The following SSH1 variants were observed in gnomAD, a reference collection of about 807,000 sequenced individuals.
SSH1 encodes the protein protein phosphatase Slingshot homolog 1.
Under a neutral mutation model 79.7 loss-of-function variants are expected in SSH1, and 43 were observed. The observed-to-expected ratio is 0.54, with a 90% CI of 0.42 to 0.70. The LOEUF (loss-of-function observed/expected upper bound fraction) is 0.70, where lower values mean the gene tolerates loss of function less well. Among genes scored for constraint, SSH1 ranks in the 30% least tolerant of loss-of-function variants. The pLI, the probability that SSH1 is intolerant of heterozygous loss-of-function variation, is 0.00. For missense variants in SSH1, 1,206 were observed against 1,358.8 expected (o/e 0.89, Z 1.77); for synonymous variants, 599 against 538.3 (o/e 1.11, Z -1.56).
At chr12:108,853,648 G>A (rs538835681) in intron 1 of SSH1, among the ~76,000 whole-genome samples, 2 of 152,182 alleles carry the variant, frequency 1.3e-5, no homozygotes, top group Admixed American at 6.5e-5. Context: ...CACCAGCCCG[G>A]CGCAGTGGCT....
intron 13 of SSH1, among the ~76,000 whole-genome samples, chr12:108,796,549 A>G (rs1406540068): frequency 6.6e-6 from 1 of 152,174 alleles, no homozygotes; most frequent in African/African-American, 2.4e-5. Context: ...AAGGCTGTGT[A>G]GTATCCCATT....
intron 4 of SSH1, chr12:108,817,484 AG>A (rs1047855703): frequency 8.4e-6 from 3 of 357,268 alleles, no homozygotes; most frequent in Non-Finnish European, 1.6e-5. Context: ...CTGAGGCACG[AG>A]AATCTCTTGA....
chr12:108,795,651 T>A (rs2137003831), intron 13 of SSH1, among the ~76,000 whole-genome samples: 1 of 151,466 alleles, frequency 6.6e-6, no homozygotes, highest in Admixed American at 6.6e-5. Flanking sequence ...AGCCCAGGAG[T>A]TTGAGACCAG....
At chr12:108,842,425 A>C (rs1406039369) in intron 2 of SSH1, among the ~76,000 whole-genome samples, 1 of 152,212 alleles carries the variant, frequency 6.6e-6, no homozygotes, top group Non-Finnish European at 1.5e-5. Flanking sequence ...GGTTTCCTAA[A>C]ATGAGGAGAG....
At chr12:108,824,511 G>C (rs1167971083) in intron 2 of SSH1, among the ~76,000 whole-genome samples, 1 of 151,966 alleles carries the variant, frequency 6.6e-6, no homozygotes, top group Admixed American at 6.6e-5. Context: ...ACTGACTTGT[G>C]ATTTAACTTA....
At chr12:108,790,093 T>C (rs899898498) in intron 14 of SSH1, among the ~76,000 whole-genome samples, 3 of 150,998 alleles carry the variant, frequency 2.0e-5, no homozygotes, top group Non-Finnish European at 4.4e-5. Flanking sequence ...AGCCTGCCTG[T>C]AGACCACAGC....
chr12:108,834,550 T>C (rs2038551985), intron 2 of SSH1, among the ~76,000 whole-genome samples: 1 of 152,212 alleles, frequency 6.6e-6, no homozygotes, highest in African/African-American at 2.4e-5. Flanking sequence ...GCTGAACTCT[T>C]TGAATTAGTG....
chr12:108,818,384 C>A, intron 3 of SSH1, 71 bp from the exon 4 acceptor site: 1 of 1,421,462 alleles, frequency 7.0e-7, no homozygotes, highest in South Asian at 1.2e-5. Flanking sequence ...CTCTGAAAGG[C>A]TGACTTTGAG....
In SSH1 at chr12:108,788,341, T is replaced by A; in HGVS notation, c.2797A>T (p.Thr933Ser). The A allele has an allele frequency of 6.2e-7, 1 of 1,613,098 alleles. No individual in the cohort carries two copies. Among genetic ancestry groups the A allele is most frequent in the Non-Finnish European group, 8.5e-7 (1 of 1,179,936 alleles). ...ATGCTATCGCTGCTGGAGCTCCGGG[T>A]CAGGTTGGAGCTCATGGAAGAGGAG... is the stretch of plus-strand genomic sequence containing the variant. ...PTSSSMSSNLTRSSSSDSIHS... is the reference protein window; with the variant it reads ...PTSSSMSSNLSRSSSSDSIHS... Residue 933 changes from threonine (T) to serine (S), a missense_variant, in exon 15 of 15, where the codon ACC (threonine) becomes TCC (serine). Coordinates refer to ENST00000326495, the MANE Select transcript of SSH1 (RefSeq NM_018984.4).
At chr12:108,814,950 C>T (rs955282240) in intron 5 of SSH1, among the ~76,000 whole-genome samples, 1 of 152,192 alleles carries the variant, frequency 6.6e-6, no homozygotes, top group African/African-American at 2.4e-5. Context: ...AAGGCATGCC[C>T]GTGACTGCTG....
intron 6 of SSH1, among the ~76,000 whole-genome samples, chr12:108,810,275 A>T (rs1169725114): frequency 6.6e-6 from 1 of 152,002 alleles, no homozygotes; most frequent in Non-Finnish European, 1.5e-5. Context: ...TAATCCCAGC[A>T]CTTTGGGAGG....
At chr12:108,802,449 G>C (rs2037055030) in intron 10 of SSH1, 81 bp from the exon 11 acceptor site, 2 of 1,343,384 alleles carry the variant, frequency 1.5e-6, no homozygotes, top group Non-Finnish European at 1.1e-6. Flanking sequence ...GTTTGCCCTA[G>C]CTCTGGCGGT....
intron 2 of SSH1, among the ~76,000 whole-genome samples, chr12:108,825,805 A>G (rs1398617440): frequency 6.6e-6 from 1 of 152,210 alleles, no homozygotes; most frequent in Non-Finnish European, 1.5e-5. Context: ...AAAGCTCTTT[A>G]GCATCCATCT....
intron 7 of SSH1, among the ~76,000 whole-genome samples, chr12:108,809,029 T>A (rs1250257712): frequency 6.6e-6 from 1 of 151,842 alleles, no homozygotes; most frequent in Non-Finnish European, 1.5e-5. Context: ...AGACAGCATT[T>A]TGCCATGTTG....
chr12:108,824,189 A>T (rs1593095965), intron 2 of SSH1, among the ~76,000 whole-genome samples: 2 of 152,340 alleles, frequency 1.3e-5, no homozygotes, highest in South Asian at 4.1e-4. Flanking sequence ...TCAAGCCTGT[A>T]ATCCCAGCAT....
chr12:108,832,698 G>T lies in SSH1; in HGVS notation c.111-9337C>A, dbSNP rs535386517. Among the ~76,000 whole-genome samples, 4 of 152,302 alleles carry T rather than the reference G, an allele frequency of 2.6e-5. 1 individual carries two copies. The Middle Eastern group carries it at 0.01, about 389-fold the overall frequency. On this transcript the variant is annotated intron_variant, in intron 2 of 14. Coordinates refer to ENST00000326495, the MANE Select transcript of SSH1 (RefSeq NM_018984.4). ...CAGGTTCTTCCCTCATTTGGAACTC[G>T]TGTTTAAAAGTCACAAAGACCCTGA...
rs1409675890 is a variant in SSH1, at chr12:108,786,418, C to T, written c.*1570G>A. ...TAGGTGTCAGAGAGGCAGAGGGCTT[C>T]ACATTTACCCAGTTTCTTCCTACAG... On this transcript the variant is annotated 3_prime_UTR_variant, in exon 15 of 15. Transcript: ENST00000326495. 1.3e-5 allele frequency: 2 copies of T among 152,268 alleles called. No homozygotes were observed. The highest frequency in any genetic ancestry group is 2.9e-5 in the Non-Finnish European group (2 of 68,106). The allele number at this position is 152,268 out of a possible 1,614,324, so 9.4% of individuals were successfully genotyped here.
At chr12:108,801,815 T>C (rs889657851) in intron 11 of SSH1, among the ~76,000 whole-genome samples, 8 of 152,014 alleles carry the variant, frequency 5.3e-5, no homozygotes, top group Non-Finnish European at 1.0e-4. Flanking sequence ...GCTGAGTGTT[T>C]GTCAGACTAC....
chr12:108,834,479 C>G (rs369094406), intron 2 of SSH1: 1 of 152,246 alleles, frequency 6.6e-6, no homozygotes, highest in Non-Finnish European at 1.5e-5. Flanking sequence ...CCTCTGTATC[C>G]GCGGGTTCCT....
Sources: gnomAD v4.1 joint callset for allele counts (sites outside exome capture counted in the v4.1 genomes callset) on GRCh38, gnomAD v4.1.1 for gene constraint, MANE v1.5 for transcripts, NCBI Gene and HGNC (gene_info 2026-07-23, HGNC 2026-07-21) for gene names.